Variants in MAML3 observed in about 807,000 individuals in gnomAD.
MAML3 encodes mastermind-like protein 3.
Under a neutral mutation model 101.9 loss-of-function variants are expected in MAML3, and 27 were observed. That is an observed-to-expected ratio of 0.27 (90% confidence interval 0.20 to 0.37). The LOEUF is 0.37. MAML3 is among the 10% of genes least tolerant of loss of function. MAML3 has a pLI of 1.00. For synonymous variants in MAML3, 501 were observed against 555.9 expected (o/e 0.90, Z 1.39); for missense variants, 1,316 against 1,444.9 (o/e 0.91, Z 1.45).
chr4:139,933,957 G>A (rs531837343), intron 1 of MAML3, among the ~76,000 whole-genome samples: 4 of 152,268 alleles, frequency 2.6e-5, no homozygotes, highest in African/African-American at 9.6e-5. Flanking sequence ...GTGTGAATGT[G>A]TATATCTGTG....
At chr4:139,983,179 G>A (rs1196605387) in intron 1 of MAML3, among the ~76,000 whole-genome samples, 1 of 152,170 alleles carries the variant, frequency 6.6e-6, no homozygotes, top group Non-Finnish European at 1.5e-5. Flanking sequence ...TTTGACAAAT[G>A]TAGTGTCACA....
chr4:139,955,027 C>T (rs1018186513), intron 1 of MAML3, among the ~76,000 whole-genome samples: 3 of 152,060 alleles, frequency 2.0e-5, no homozygotes, highest in Non-Finnish European at 4.4e-5. Context: ...CTTAAGGAGT[C>T]TTAGGCTGGC....
intron 1 of MAML3, among the ~76,000 whole-genome samples, chr4:139,933,465 A>G (rs1471671061): frequency 6.6e-6 from 1 of 152,230 alleles, no homozygotes; most frequent in East Asian, 1.9e-4. Context: ...GGAGACATCC[A>G]ACACGTAATG....
intron 1 of MAML3, chr4:140,134,323 C>T (rs1472178798): frequency 2.2e-6 from 1 of 456,634 alleles, no homozygotes. Context: ...CTTGTACAAC[C>T]AAGTCAAGCG....
intron 1 of MAML3, among the ~76,000 whole-genome samples, chr4:139,909,135 G>A (rs560954119): frequency 6.6e-5 from 10 of 152,242 alleles, no homozygotes; most frequent in South Asian, 2.1e-4. Flanking sequence ...AACCAGTTTC[G>A]TGACTCTGAT....
intron 1 of MAML3, among the ~76,000 whole-genome samples, chr4:140,125,891 G>A (rs1728675070): frequency 6.6e-6 from 1 of 152,078 alleles, no homozygotes; most frequent in South Asian, 2.1e-4. Flanking sequence ...CGATTCTCCT[G>A]CCTCAACCTC....
intron 1 of MAML3, among the ~76,000 whole-genome samples, chr4:140,108,518 C>T (rs941790571): frequency 2.7e-5 from 4 of 150,618 alleles, no homozygotes; most frequent in Admixed American, 1.3e-4. Context: ...ATCTTATCTG[C>T]GAAATGATAA....
Position 139,864,923 on chromosome 4 carries a change from C to G in MAML3, c.2079+24434G>C, listed in dbSNP as rs1345005532. 6.1e-4 allele frequency among the ~76,000 whole-genome samples: 38 copies of G among 62,464 alleles called. 7 individuals are homozygous for G. Among genetic ancestry groups the G allele is most frequent in the Admixed American group, 1.2e-3 (5 of 4,128 alleles). 41.0% of individuals were successfully genotyped at this position (62,464 alleles called of 152,430 possible). On this transcript the variant is annotated intron_variant, in intron 2 of 4. Transcript: ENST00000509479. Reference sequence around the variant, plus strand: ...TTAGGAAAATAGTAATGCAAACTTGCTTTTTTTTTTTTTTTTTTTTTTTTT... The same window carrying G: ...TTAGGAAAATAGTAATGCAAACTTGGTTTTTTTTTTTTTTTTTTTTTTTTT...
intron 1 of MAML3, among the ~76,000 whole-genome samples, chr4:139,903,088 C>G (rs897692629): frequency 6.6e-5 from 10 of 152,196 alleles, no homozygotes; most frequent in Non-Finnish European, 1.2e-4. Flanking sequence ...CCTGGGTTAA[C>G]CAAGTACTGG....
intron 2 of MAML3, among the ~76,000 whole-genome samples, chr4:139,823,481 G>A (rs1731009589): frequency 6.6e-6 from 1 of 152,154 alleles, no homozygotes. Context: ...CACTTCTCTT[G>A]TGGGTCTGCA....
At chr4:139,875,955 T>C (rs1228636415) in intron 2 of MAML3, among the ~76,000 whole-genome samples, 1 of 146,102 alleles carries the variant, frequency 6.8e-6, no homozygotes, top group Non-Finnish European at 1.5e-5. Context: ...TCACCTCTGG[T>C]CTTGCCTATT....
chr4:140,068,787 T>C (rs1727581264), intron 1 of MAML3, among the ~76,000 whole-genome samples: 1 of 152,144 alleles, frequency 6.6e-6, no homozygotes, highest in Non-Finnish European at 1.5e-5. Flanking sequence ...TAAATATGTG[T>C]TGTTTTTGTA....
intron 1 of MAML3, among the ~76,000 whole-genome samples, chr4:140,054,025 T>G (rs1727312040): frequency 6.6e-6 from 1 of 152,128 alleles, no homozygotes; most frequent in Non-Finnish European, 1.5e-5. Flanking sequence ...ACTTTTAAAT[T>G]AAGACATGTC....
chr4:139,973,617 T>C (rs980580788), intron 1 of MAML3, among the ~76,000 whole-genome samples: 3 of 152,134 alleles, frequency 2.0e-5, no homozygotes, highest in Non-Finnish European at 4.4e-5. Context: ...AGGATATTTC[T>C]TGGTCAAAGG....
At chr4:140,009,205 C>G (rs1464172981) in intron 1 of MAML3, among the ~76,000 whole-genome samples, 1 of 152,188 alleles carries the variant, frequency 6.6e-6, no homozygotes, top group African/African-American at 2.4e-5. Flanking sequence ...ATTTTGGTCC[C>G]TAGAATTTTG....
At chr4:139,888,133 C>A in intron 2 of MAML3, among the ~76,000 whole-genome samples, 1 of 152,130 alleles carries the variant, frequency 6.6e-6, no homozygotes, top group Non-Finnish European at 1.5e-5. Flanking sequence ...TCTCTGCAGG[C>A]CAGCACCACC....
At chr4:140,126,856 T>C (rs1728693002) in intron 1 of MAML3, among the ~76,000 whole-genome samples, 1 of 152,180 alleles carries the variant, frequency 6.6e-6, no homozygotes, top group African/African-American at 2.4e-5. Context: ...CATCCCTGAT[T>C]TCTCTCAGTC....
chr4:140,069,563 G>A (rs1237092878), intron 1 of MAML3, among the ~76,000 whole-genome samples: 5 of 103,434 alleles, frequency 4.8e-5, no homozygotes, highest in Non-Finnish European at 9.5e-5. Flanking sequence ...AGGAGGGGAG[G>A]AGGAGGAGGG....
chr4:140,092,104 G>GTATATATATACGTATA (rs1491562295), intron 1 of MAML3, among the ~76,000 whole-genome samples: 2 of 79,154 alleles, frequency 2.5e-5, no homozygotes, highest in South Asian at 4.1e-4. Flanking sequence ...ATATATATAC[G>GTATATATATACGTATA]TATATATATA....
Sources: gnomAD v4.1 joint callset for allele counts (sites outside exome capture counted in the v4.1 genomes callset) on GRCh38, gnomAD v4.1.1 for gene constraint, MANE v1.5 for transcripts, NCBI Gene and HGNC (gene_info 2026-07-23, HGNC 2026-07-21) for gene names.